FHL2: variants seen among roughly 807,000 people sequenced by gnomAD.
FHL2 encodes the protein four and a half LIM domains protein 2.
Under a neutral mutation model 32.7 loss-of-function variants are expected in FHL2, and 20 were observed. The observed-to-expected ratio is 0.61, with a 90% CI of 0.43 to 0.89. The LOEUF is 0.89. Among genes scored for constraint, FHL2 ranks in the 40% least tolerant of loss-of-function variants. FHL2 has a pLI of 0.00. For synonymous variants in FHL2, 123 were observed against 128.1 expected, an observed-to-expected ratio of 0.96 and a Z score of 0.27; for missense variants, 311 against 358.6, an observed-to-expected ratio of 0.87 and a Z score of 1.07.
intron 2 of FHL2, among the ~76,000 whole-genome samples, chr2:105,393,006 C>T (rs1157512377): frequency 6.7e-6 from 1 of 149,572 alleles, no homozygotes; most frequent in African/African-American, 2.5e-5. Flanking sequence ...TTTTTTTAAC[C>T]AGAAAGATTT....
chr2:105,368,349 C>T lies in FHL2; in HGVS notation c.332-610G>A, dbSNP rs562947811. 1.3e-4 allele frequency among the ~76,000 whole-genome samples: 20 copies of T among 151,316 alleles called. No homozygotes were observed. In the South Asian group the frequency reaches 3.1e-3, roughly 24 times the overall value. ...CCTACATGTAGTTTTTTTTTGTTTT[C>T]GAGACAGGGTCTCACTCTGTCACCC... On this transcript the variant is annotated intron_variant, in intron 4 of 6. Coordinates refer to ENST00000530340, the MANE Select transcript of FHL2 (RefSeq NM_001318895.3).
In FHL2 at chr2:105,428,848, A is replaced by G. The variant is rs116359040; in HGVS notation, c.-25+9551T>C. 7.0e-3 allele frequency among the ~76,000 whole-genome samples: 1,062 copies of G among 152,274 alleles called. 19 individuals carry two copies. The highest frequency in any genetic ancestry group is 0.024 in the African/African-American group (999 of 41,554). The stretch of plus-strand genomic sequence containing the variant: ...GGCGGCTGCTCTGTACTCTGTACAG[A>G]CACCCTGTTGGATGGGAGGCATGTC... On this transcript the variant is annotated intron_variant, in intron 1 of 5. Transcript: ENST00000393352.
At chr2:105,436,763 G>A (rs1356574574) in intron 1 of FHL2, among the ~76,000 whole-genome samples, 1 of 152,046 alleles carries the variant, frequency 6.6e-6, no homozygotes, top group African/African-American at 2.4e-5. Context: ...TTATCTTTGA[G>A]TAGTAAGACT....
chr2:105,437,249 A>G (rs1227656839), intron 1 of FHL2, among the ~76,000 whole-genome samples: 1 of 152,198 alleles, frequency 6.6e-6, no homozygotes, highest in Non-Finnish European at 1.5e-5. Flanking sequence ...TACTCAGTTA[A>G]ATACAAAAAC....
intron 1 of FHL2, among the ~76,000 whole-genome samples, chr2:105,410,671 T>C (rs917885482): frequency 2.0e-5 from 3 of 152,152 alleles, no homozygotes; most frequent in Admixed American, 6.5e-5. Flanking sequence ...CGAGAAGGAT[T>C]CTTGGCACAG....
At chr2:105,414,479 C>G (rs1683876218) in intron 1 of FHL2, among the ~76,000 whole-genome samples, 2 of 152,290 alleles carry the variant, frequency 1.3e-5, no homozygotes, top group South Asian at 4.2e-4. Context: ...CCCGCCCCCC[C>G]TCCGCCGCCA....
chr2:105,437,855 T>G (rs1353066804), intron 1 of FHL2, among the ~76,000 whole-genome samples: 1 of 152,196 alleles, frequency 6.6e-6, no homozygotes, highest in East Asian at 1.9e-4. Context: ...TCTCTGGGCT[T>G]TCAAACCATC....
At chr2:105,420,784 C>A (rs1466859316) in intron 1 of FHL2, among the ~76,000 whole-genome samples, 1 of 152,154 alleles carries the variant, frequency 6.6e-6, no homozygotes, top group African/African-American at 2.4e-5. Context: ...AGATCCCTCA[C>A]ATGTGCAGCT....
chr2:105,428,178 T>C (rs1176256891), intron 1 of FHL2, among the ~76,000 whole-genome samples: 1 of 152,040 alleles, frequency 6.6e-6, no homozygotes, highest in Non-Finnish European at 1.5e-5. Flanking sequence ...GGAACAAAGG[T>C]CCTTTTAGAT....
intron 1 of FHL2, among the ~76,000 whole-genome samples, chr2:105,417,789 A>G (rs543516440): frequency 1.3e-5 from 2 of 152,160 alleles, no homozygotes; most frequent in East Asian, 3.9e-4. Context: ...TGTTTTGTCA[A>G]GGTCATTCTG....
intron 1 of FHL2, among the ~76,000 whole-genome samples, chr2:105,420,333 C>T (rs1173072210): frequency 1.3e-5 from 2 of 152,248 alleles, no homozygotes; most frequent in Non-Finnish European, 2.9e-5. Context: ...CCTGTGTGTG[C>T]GTCTGCCCAA....
At chr2:105,400,202 G>A (rs1406104343), upstream of FHL2, among the ~76,000 whole-genome samples, 2 of 152,148 alleles carry the variant, frequency 1.3e-5, no homozygotes, top group African/African-American at 2.4e-5. Flanking sequence ...CCACGTGAAC[G>A]GTAACTGTGC....
At chr2:105,386,027 A>G (rs1682283775) in intron 3 of FHL2, 1 of 410,960 alleles carries the variant, frequency 2.4e-6, no homozygotes, top group Admixed American at 4.1e-5. Context: ...CGGGGCAAAC[A>G]GACAAGAGGA....
chr2:105,422,915 G>A (rs985891338), intron 1 of FHL2, among the ~76,000 whole-genome samples: 9 of 152,154 alleles, frequency 5.9e-5, no homozygotes, highest in African/African-American at 9.7e-5. Flanking sequence ...ACTAGGAAAC[G>A]AGAGTAAAGT....
rs11537579 is a variant in FHL2 at position 105,360,950 on chromosome 2, C to T, written c.*333G>A. On this transcript the variant is annotated 3_prime_UTR_variant, in exon 7 of 7. Transcript: ENST00000530340. ...ATTGAGTTTAGAAAACTTTCAAGTTCGTGACATATGTTAATTGCACTTAAA... is the reference window on the plus strand; with the variant it reads ...ATTGAGTTTAGAAAACTTTCAAGTTTGTGACATATGTTAATTGCACTTAAA... 2.1e-5 allele frequency: 4 copies of T among 189,184 alleles called. No individual in the cohort carries two copies. Among genetic ancestry groups the T allele is most frequent in the Admixed American group, 1.8e-4 (3 of 16,974 alleles). 11.7% of individuals were successfully genotyped at this position (189,184 alleles called of 1,614,324 possible). A position where few individuals can be genotyped will look rare whatever the true frequency, so the allele number is the denominator to read the frequency against.
chr2:105,404,063 C>A (rs1430164991), upstream of FHL2, among the ~76,000 whole-genome samples: 1 of 152,142 alleles, frequency 6.6e-6, no homozygotes, highest in African/African-American at 2.4e-5. Context: ...GCCTCCTACC[C>A]GGATGGGGGC....
At chr2:105,377,561 G>A (rs1392303395) in intron 3 of FHL2, among the ~76,000 whole-genome samples, 2 of 152,294 alleles carry the variant, frequency 1.3e-5, no homozygotes, top group South Asian at 2.1e-4. Context: ...CCCGGGAGGT[G>A]GAGGGTGGAG....
intron 2 of FHL2, among the ~76,000 whole-genome samples, chr2:105,393,911 C>T (rs1341179607): frequency 1.3e-5 from 2 of 152,290 alleles, no homozygotes; most frequent in Middle Eastern, 3.4e-3. Context: ...GCTGCACAGT[C>T]CAGGATGCAG....
upstream of FHL2, chr2:105,399,707 T>C: frequency 7.5e-7 from 1 of 1,328,876 alleles, no homozygotes; most frequent in Middle Eastern, 2.7e-4. Flanking sequence ...GCCCGGGCCC[T>C]CTGCGTGACG....
Sources: gnomAD v4.1 joint callset for allele counts (sites outside exome capture counted in the v4.1 genomes callset) on GRCh38, gnomAD v4.1.1 for gene constraint, MANE v1.5 for transcripts, NCBI Gene and HGNC (gene_info 2026-07-23, HGNC 2026-07-21) for gene names.